Variants in KTN1 observed in about 807,000 individuals in gnomAD.
KTN1 encodes kinectin 1.
Under a neutral mutation model 222.5 loss-of-function variants are expected in KTN1, and 130 were observed. The observed-to-expected ratio is 0.58, with a 90% CI of 0.51 to 0.68. The LOEUF is 0.68. Among genes scored for constraint, KTN1 ranks in the 30% least tolerant of loss-of-function variants. The probability of loss-of-function intolerance (pLI) is 0.00; values close to 1 mark genes in which losing one functional copy is unlikely to be tolerated. For missense variants in KTN1, 1,508 were observed against 1,500.4 expected, an observed-to-expected ratio of 1.01 and a Z score of -0.08; for synonymous variants, 512 against 496.3, an observed-to-expected ratio of 1.03 and a Z score of -0.42.
chr14:55,640,449 C>A lies in KTN1; in HGVS notation c.1983+7C>A, dbSNP rs1457215106. On this transcript the variant is annotated splice_region_variant and intron_variant, in intron 15 of 43. Coordinates refer to ENST00000395314, the MANE Select transcript of KTN1 (RefSeq NM_001079521.2). ...GGCCCTGGCAAATGAGCAGGTAGATCTTTATTGCTTTTGAGCATTGATCTC... is the reference window on the plus strand; with the variant it reads ...GGCCCTGGCAAATGAGCAGGTAGATATTTATTGCTTTTGAGCATTGATCTC... 22 of 1,586,636 alleles carry A rather than the reference C, an allele frequency of 1.4e-5. No homozygotes were observed. Among genetic ancestry groups the A allele is most frequent in the Non-Finnish European group, 1.8e-5 (21 of 1,164,228 alleles).
chr14:55,650,910 C>T (rs1040047588), intron 24 of KTN1, among the ~76,000 whole-genome samples: 1 of 151,980 alleles, frequency 6.6e-6, no homozygotes, highest in African/African-American at 2.4e-5. Flanking sequence ...AAACACGAAA[C>T]AGTTTGGCAA....
Position 55,653,576 on chromosome 14 carries a change from G to A in KTN1, c.2781G>A (p.Gln927=). 6.2e-7 allele frequency: 1 copy of A among 1,610,584 alleles called. No homozygotes were observed. The highest frequency in any genetic ancestry group is 1.7e-5 in the Admixed American group (1 of 59,898). The change falls in exon 28 of 44, where the codon CAG becomes CAA. Residue 927 remains glutamine, a synonymous_variant. Coordinates refer to ENST00000395314, the MANE Select transcript of KTN1 (RefSeq NM_001079521.2). ...TTTCTCAGGCCTCTTCTGCATCACAGTTTGAAGAACTTGAGATTGTGTAAG... is the reference window on the plus strand; with the variant it reads ...TTTCTCAGGCCTCTTCTGCATCACAATTTGAAGAACTTGAGATTGTGTAAG... ...HNLKEASSAS[Q]FEELEIVLKE...
intron 40 of KTN1, chr14:55,675,196 G>C (rs534127084): frequency 1.3e-5 from 2 of 152,108 alleles, no homozygotes; most frequent in South Asian, 4.1e-4. Context: ...CATTTTCCTT[G>C]CTCATATTTA....
intron 18 of KTN1, among the ~76,000 whole-genome samples, chr14:55,646,251 A>G (rs1393315436): frequency 3.3e-5 from 5 of 152,132 alleles, no homozygotes; most frequent in Admixed American, 6.5e-5. Flanking sequence ...AAAACATTTT[A>G]TATCTTGATC....
chr14:55,651,584 C>T (rs1248749713), intron 24 of KTN1: 2 of 371,508 alleles, frequency 5.4e-6, no homozygotes, highest in African/African-American at 4.1e-5. Context: ...CAACCAGTTA[C>T]AGATTTCTTT....
intron 30 of KTN1, 119 bp from the exon 31 acceptor site, chr14:55,659,547 A>G: frequency 2.9e-6 from 2 of 700,836 alleles, no homozygotes; most frequent in Non-Finnish European, 5.1e-6. Context: ...TTACTGGCAT[A>G]TGAAATATAT....
intron 15 of KTN1, 47 bp downstream of exon 15, chr14:55,640,489 C>A: frequency 3.0e-6 from 4 of 1,319,010 alleles, no homozygotes; most frequent in Non-Finnish European, 4.3e-6. Context: ...TTTCAATTTG[C>A]GTATTCTTAT....
At chr14:55,619,946 C>G (rs1219631357) in intron 5 of KTN1, among the ~76,000 whole-genome samples, 1 of 152,164 alleles carries the variant, frequency 6.6e-6, no homozygotes, top group African/African-American at 2.4e-5. Context: ...TCCAAAGTCT[C>G]ATCCGAGACA....
At chr14:55,648,921 T>G (rs1261694937) in intron 21 of KTN1, 51 bp downstream of exon 21, 1 of 1,256,874 alleles carries the variant, frequency 8.0e-7, no homozygotes, top group Non-Finnish European at 1.1e-6. Flanking sequence ...TTTGTTTGTT[T>G]GTTTGTTGTT....
chr14:55,586,150 G>C (rs899966278), intron 1 of KTN1, among the ~76,000 whole-genome samples: 1 of 152,132 alleles, frequency 6.6e-6, no homozygotes, highest in African/African-American at 2.4e-5. Context: ...TTAACTCTAA[G>C]GTTTTATGCA....
intron 1 of KTN1, among the ~76,000 whole-genome samples, chr14:55,581,356 A>C (rs560270227): frequency 2.6e-5 from 4 of 152,250 alleles, no homozygotes; most frequent in Admixed American, 6.5e-5. Flanking sequence ...AGGAATCTAA[A>C]TTCAGAACTG....
intron 40 of KTN1, chr14:55,673,994 G>A (rs1287822797): frequency 6.6e-6 from 1 of 151,942 alleles, no homozygotes; most frequent in East Asian, 1.9e-4. Context: ...ACAGCACAGG[G>A]ATTAGATTTT....
chr14:55,619,655 T>TA (rs1237662027), intron 5 of KTN1, among the ~76,000 whole-genome samples: 3 of 152,114 alleles, frequency 2.0e-5, no homozygotes, highest in Non-Finnish European at 4.4e-5. Context: ...TTTCCTCTTA[T>TA]AAAACCATCA....
chr14:55,597,035 A>G (rs146136425), intron 1 of KTN1, among the ~76,000 whole-genome samples: 2,885 of 152,098 alleles, frequency 0.019, 57 homozygotes, highest in Middle Eastern at 0.068. Flanking sequence ...TAGGATTAGT[A>G]TATACTGTAT....
chr14:55,609,722 T>G (rs2037262740), intron 1 of KTN1, among the ~76,000 whole-genome samples: 2 of 152,208 alleles, frequency 1.3e-5, no homozygotes, highest in Admixed American at 1.3e-4. Context: ...TTTTGACTTT[T>G]ACCCCTTTTT....
At chr14:55,653,289 C>A (rs569014619) in intron 27 of KTN1, among the ~76,000 whole-genome samples, 1 of 152,186 alleles carries the variant, frequency 6.6e-6, no homozygotes, top group Non-Finnish European at 1.5e-5. Context: ...CCTGAGCCTA[C>A]AAGCATTTCC....
intron 7 of KTN1, among the ~76,000 whole-genome samples, chr14:55,631,341 G>GATTGATATATATATATATATATATATAT (rs1555371423): frequency 8.7e-6 from 1 of 114,706 alleles, no homozygotes; most frequent in East Asian, 2.5e-4. Context: ...TGATAAGGTT[G>GATTGATATATATATATATATATATATAT]ATATATATAT....
intron 19 of KTN1, among the ~76,000 whole-genome samples, 185 bp downstream of exon 19, chr14:55,647,192 A>G (rs866057253): frequency 2.0e-5 from 3 of 152,196 alleles, no homozygotes; most frequent in African/African-American, 7.2e-5. Context: ...TGAGGCTAGC[A>G]TATAAGAATG....
intron 33 of KTN1, among the ~76,000 whole-genome samples, chr14:55,665,931 T>C (rs1229629977): frequency 6.6e-6 from 1 of 151,958 alleles, no homozygotes; most frequent in Non-Finnish European, 1.5e-5. Context: ...TTTTTTTTCC[T>C]TGGAAAGTTT....
Sources: allele counts gnomAD v4.1 joint callset (sites outside exome capture counted in the v4.1 genomes callset), GRCh38; gene constraint gnomAD v4.1.1; transcripts MANE v1.5; gene names NCBI Gene and HGNC (gene_info 2026-07-23, HGNC 2026-07-21).